Variants in P2RX7 observed in about 807,000 individuals in gnomAD.
P2RX7 encodes the protein purinergic receptor P2X 7, also known as P2X purinoceptor 7.
P2RX7 carries 62 observed loss-of-function variants against 71.6 expected under a neutral mutation model. The observed-to-expected ratio is 0.87, with a 90% confidence interval of 0.71 to 1.07. P2RX7 has a LOEUF of 1.07. P2RX7 is among the 50% of genes least tolerant of loss of function. The pLI, the probability that P2RX7 is intolerant of heterozygous loss-of-function variation, is 0.00. For missense variants in P2RX7, 686 were observed against 748.5 expected (o/e 0.92, Z 0.97); for synonymous variants, 299 against 283.3 (o/e 1.06, Z -0.56).
intron 9 of P2RX7, among the ~76,000 whole-genome samples, chr12:121,176,110 T>C: frequency 6.6e-6 from 1 of 152,094 alleles, no homozygotes; most frequent in East Asian, 1.9e-4. Context: ...ATGGATGACA[T>C]GCCCACTGCT....
rs201758325 is a variant in P2RX7, at chr12:121,180,388, A to G, written c.1223A>G (p.His408Arg). 2 of 1,606,076 alleles carry G rather than the reference A, an allele frequency of 1.2e-6. No homozygotes were observed. Among genetic ancestry groups the G allele is most frequent in the Non-Finnish European group, 1.7e-6 (2 of 1,175,636 alleles). The change falls in exon 12 of 13, where the codon CAC (histidine) becomes CGC (arginine). Residue 408 changes from histidine (H) to arginine (R), a missense_variant. Transcript: ENST00000328963. ...LKYVSFVDES[H>R]IRMVNQQLLG... ...TATGTGTCCTTTGTGGATGAATCCC[A>G]CATTAGGATGGTGAACCAGCAGCTA...
intron 8 of P2RX7, among the ~76,000 whole-genome samples, chr12:121,169,527 C>T (rs1177375639): frequency 6.6e-6 from 1 of 152,162 alleles, no homozygotes; most frequent in Non-Finnish European, 1.5e-5. Context: ...ATATATTACT[C>T]AAAGCAGCTC....
rs1237508630 is a variant in P2RX7, at chr12:121,187,630, T to TC, written c.*2832dup. 1 of 151,846 alleles carries TC rather than the reference T, an allele frequency of 6.6e-6. No individual in the cohort carries two copies. The highest frequency in any genetic ancestry group is 2.1e-4 in the South Asian group (1 of 4,718). The allele number at this position is 151,846 out of a possible 1,614,324, so 9.4% of individuals were successfully genotyped here. A position where few individuals can be genotyped will look rare whatever the true frequency, so the allele number is the denominator to read the frequency against. On this transcript the variant is annotated 3_prime_UTR_variant, in exon 13 of 13. Transcript: ENST00000328963. ...ATCCATCTACTGTTTTCCATCACCT[T>TC]CCCCACTGATGCTCTGGGCGAGAGA...
Position 121,186,088 on chromosome 12 carries a change from A to AT in P2RX7, c.*1287dup, listed in dbSNP as rs1884863828. 6.5e-6 allele frequency: 1 copy of AT among 152,920 alleles called. No homozygotes were observed. Among genetic ancestry groups the AT allele is most frequent in the African/African-American group, 2.4e-5 (1 of 41,330 alleles). 9.5% of individuals were successfully genotyped at this position (152,920 alleles called of 1,614,324 possible). The stretch of plus-strand genomic sequence containing the variant: ...AAAAAGAAAAAAAAAATGTCTGCCT[A>AT]TCCTGAGACTGCCCTGCTGTGAGGA... On this transcript the variant is annotated 3_prime_UTR_variant, in exon 13 of 13. Transcript: ENST00000328963.
intron 3 of P2RX7, among the ~76,000 whole-genome samples, chr12:121,158,487 G>C (rs1319211566): frequency 6.6e-6 from 1 of 152,138 alleles, no homozygotes; most frequent in Non-Finnish European, 1.5e-5. Flanking sequence ...TAGTGGCTCA[G>C]GTTCCTCAAA....
At chr12:121,183,233 A>C (rs1044310232) in intron 12 of P2RX7, among the ~76,000 whole-genome samples, 1 of 151,718 alleles carries the variant, frequency 6.6e-6, no homozygotes, top group African/African-American at 2.4e-5. Flanking sequence ...TTCTATTTTT[A>C]ACATTTTTTA....
chr12:121,155,829 G>T (rs1246982404), intron 2 of P2RX7, among the ~76,000 whole-genome samples: 2 of 151,950 alleles, frequency 1.3e-5, no homozygotes, highest in Non-Finnish European at 2.9e-5. Context: ...AACATGAAAA[G>T]GCTGCTTTTG....
chr12:121,166,195 G>C lies in P2RX7; in HGVS notation c.744+8G>C, dbSNP rs755406974. Reference sequence around the variant, plus strand: ...TCAGATGTGGCAATTCAGGTTGGTGGTGCTTTGTACACTGGGATGTGGGGC... The same window carrying C: ...TCAGATGTGGCAATTCAGGTTGGTGCTGCTTTGTACACTGGGATGTGGGGC... On this transcript the variant is annotated splice_region_variant and intron_variant, in intron 7 of 12. Transcript: ENST00000328963. The C allele has an allele frequency of 2.5e-6, 4 of 1,611,630 alleles. No individual in the cohort carries two copies. Among genetic ancestry groups the C allele is most frequent in the Non-Finnish European group, 3.4e-6 (4 of 1,178,428 alleles).
Position 121,149,956 on chromosome 12 carries a change from A to G in P2RX7, c.126-4829A>G, listed in dbSNP as rs1489028614. On this transcript the variant is annotated intron_variant, in intron 1 of 12. Coordinates refer to ENST00000328963, the MANE Select transcript of P2RX7 (RefSeq NM_002562.6). The surrounding 1 kb of genome is among the most constrained non-coding windows in gnomAD (Gnocchi z 4.7). ...AGGTACCAGCGGCTTTGCCTTCTAC[A>G]GAATGCATAACATTATAGCCTCTTA... is the stretch of plus-strand genomic sequence containing the variant. 7.2e-5 allele frequency among the ~76,000 whole-genome samples: 11 copies of G among 152,280 alleles called. No homozygotes were observed.
At chr12:121,156,244 G>C in intron 3 of P2RX7, 97 bp downstream of exon 3, 2 of 981,430 alleles carry the variant, frequency 2.0e-6, no homozygotes, top group Admixed American at 1.8e-5. Flanking sequence ...GGGTGTATTT[G>C]AGCCCACAGA....
chr12:121,148,130 AAAGAGATATCTAG>A (rs1876598898), intron 1 of P2RX7, among the ~76,000 whole-genome samples: 1 of 152,130 alleles, frequency 6.6e-6, no homozygotes, highest in South Asian at 2.1e-4. Flanking sequence ...GTGTGGACAT[AAAGAGATATCTAG>A]AAGACACTCC....
At chr12:121,142,492 G>A (rs1050200680) in intron 1 of P2RX7, among the ~76,000 whole-genome samples, 3 of 152,004 alleles carry the variant, frequency 2.0e-5, no homozygotes, top group Non-Finnish European at 4.4e-5. Context: ...TCTTTTAAGG[G>A]GCTCATGTGA....
intron 8 of P2RX7, among the ~76,000 whole-genome samples, chr12:121,171,339 T>G: frequency 6.7e-6 from 1 of 149,626 alleles, no homozygotes; most frequent in African/African-American, 2.5e-5. Context: ...TTCTCCACTG[T>G]GTCTCTATGT....
chr12:121,156,155 G>A lies in P2RX7; in HGVS notation c.363+8G>A. 1.2e-6 allele frequency: 2 copies of A among 1,613,070 alleles called. No homozygotes were observed. The highest frequency in any genetic ancestry group is 1.7e-6 in the Non-Finnish European group (2 of 1,178,992). ...CAGCGGTTGTGTCCCGAGGTAAGGA[G>A]GGGACCTGGAGTGGTGGGTCAGGTC... On this transcript the variant is annotated splice_region_variant and intron_variant, in intron 3 of 12. Transcript: ENST00000328963.
intron 12 of P2RX7, among the ~76,000 whole-genome samples, chr12:121,181,149 T>G (rs1884081193): frequency 6.6e-6 from 1 of 152,208 alleles, no homozygotes; most frequent in South Asian, 2.1e-4. Context: ...TTCTAAAAAC[T>G]GAATCACGTA....
Position 121,181,760 on chromosome 12 carries a change from G to A in P2RX7, c.1290+1305G>A, listed in dbSNP as rs375414578. On this transcript the variant is annotated intron_variant, in intron 12 of 12. Transcript: ENST00000328963. ...TAGTCCCAGCCACTCAGGAGGCTGA[G>A]GCAGGAGAATGGCATGAACCTGGGA... Among the ~76,000 whole-genome samples the A allele has an allele frequency of 2.0e-5, 3 of 152,114 alleles. No homozygotes were observed. In the East Asian group the frequency reaches 5.8e-4, roughly 29 times the overall value.
chr12:121,181,169 C>T (rs1220453959), intron 12 of P2RX7, among the ~76,000 whole-genome samples: 1 of 152,100 alleles, frequency 6.6e-6, no homozygotes, highest in African/African-American at 2.4e-5. Context: ...AGTATGTAAG[C>T]GGTATATACG....
intron 3 of P2RX7, among the ~76,000 whole-genome samples, chr12:121,158,947 A>G (rs1879109158): frequency 6.6e-6 from 1 of 152,182 alleles, no homozygotes; most frequent in African/African-American, 2.4e-5. Context: ...AAGGGTTCAT[A>G]ATCTAATCTG....
chr12:121,165,512 G>A (rs1156770127), intron 6 of P2RX7, 75 bp downstream of exon 6: 1 of 1,214,574 alleles, frequency 8.2e-7, no homozygotes, highest in Non-Finnish European at 1.2e-6. Context: ...TCAGAAGCCT[G>A]AAACAACAAA....
Sources: gnomAD v4.1 joint callset for allele counts (sites outside exome capture counted in the v4.1 genomes callset) on GRCh38, gnomAD v4.1.1 for gene constraint, Gnocchi (gnomAD v3.1) non-coding constraint, MANE v1.5 for transcripts, NCBI Gene and HGNC (gene_info 2026-07-23, HGNC 2026-07-21) for gene names.